C8orf34: variants seen among roughly 807,000 people sequenced by gnomAD.
C8orf34 encodes the protein chromosome 8 open reading frame 34.
In C8orf34, 65 loss-of-function variants were observed where a neutral mutation model predicts 68.3. The observed-to-expected ratio is 0.95, with a 90% CI of 0.78 to 1.17. The LOEUF (loss-of-function observed/expected upper bound fraction) is 1.17, where lower values mean the gene tolerates loss of function less well. Among genes scored for constraint, C8orf34 ranks in the 50% most tolerant of loss-of-function variants. The pLI, the probability that C8orf34 is intolerant of heterozygous loss-of-function variation, is 0.00. For missense variants in C8orf34, 664 were observed against 655.4 expected, an observed-to-expected ratio of 1.01 and a Z score of -0.14; for synonymous variants, 244 against 241.2, an observed-to-expected ratio of 1.01 and a Z score of -0.11.
chr8:68,478,150 G>A (rs1369626337), intron 4 of C8orf34, among the ~76,000 whole-genome samples: 2 of 152,118 alleles, frequency 1.3e-5, no homozygotes, highest in African/African-American at 4.8e-5. Flanking sequence ...CACATAGTCA[G>A]CCTGCAAAAT....
intron 10 of C8orf34, among the ~76,000 whole-genome samples, chr8:68,740,944 C>T (rs1822272129): frequency 6.6e-6 from 1 of 152,114 alleles, no homozygotes; most frequent in South Asian, 2.1e-4. Flanking sequence ...ATGGATGGAG[C>T]TGGAGGCTAT....
chr8:68,745,958 A>G (rs1360970625), intron 10 of C8orf34, among the ~76,000 whole-genome samples: 2 of 152,124 alleles, frequency 1.3e-5, no homozygotes, highest in Non-Finnish European at 2.9e-5. Context: ...CACCACACCT[A>G]TTCCAAAATT....
intron 1 of C8orf34, among the ~76,000 whole-genome samples, chr8:68,425,350 T>C (rs1458950617): frequency 6.6e-6 from 1 of 152,168 alleles, no homozygotes; most frequent in Admixed American, 6.5e-5. Context: ...ACTATTTCTA[T>C]TTGCAAATGA....
intron 1 of C8orf34, among the ~76,000 whole-genome samples, chr8:68,354,565 G>A (rs1418419146): frequency 2.0e-5 from 3 of 152,046 alleles, no homozygotes; most frequent in Non-Finnish European, 4.4e-5. Flanking sequence ...TCAGAGTGAT[G>A]GGGCTGCATC....
In C8orf34 at chr8:68,732,671, A is replaced by G. The variant is rs1369710102; in HGVS notation, c.1404+11234A>G. On this transcript the variant is annotated intron_variant, in intron 10 of 13. Transcript: ENST00000518698. Reference sequence around the variant, plus strand: ...TACAGTTTTTTCTCTCCAATATTAGACAAATATTACCTAAAAGTTCTTCAC... The same window carrying G: ...TACAGTTTTTTCTCTCCAATATTAGGCAAATATTACCTAAAAGTTCTTCAC... 5.3e-5 allele frequency among the ~76,000 whole-genome samples: 8 copies of G among 152,110 alleles called. No individual in the cohort carries two copies. The East Asian group carries it at 1.5e-3, about 29-fold the overall frequency.
intron 1 of C8orf34, among the ~76,000 whole-genome samples, chr8:68,342,815 C>T (rs1480862515): frequency 6.6e-6 from 1 of 152,050 alleles, no homozygotes; most frequent in African/African-American, 2.4e-5. Context: ...CCCCCAAATG[C>T]AAAAGTAGTG....
chr8:68,466,721 A>C (rs1812153175), intron 3 of C8orf34, among the ~76,000 whole-genome samples: 1 of 142,934 alleles, frequency 7.0e-6, no homozygotes, highest in South Asian at 2.2e-4. Flanking sequence ...CTTTCTGTGA[A>C]AATAAACAAC....
At chr8:68,335,197 A>G (rs1805798431) in intron 1 of C8orf34, among the ~76,000 whole-genome samples, 3 of 152,164 alleles carry the variant, frequency 2.0e-5, no homozygotes, top group African/African-American at 4.8e-5. Context: ...GATAAGAAGG[A>G]TACTAGTTAC....
At chr8:68,620,336 G>T (rs1019048899) in intron 7 of C8orf34, among the ~76,000 whole-genome samples, 1 of 152,186 alleles carries the variant, frequency 6.6e-6, no homozygotes. Context: ...CCAGGAAGAG[G>T]TTGGGGTTGG....
intron 10 of C8orf34, among the ~76,000 whole-genome samples, chr8:68,769,017 A>G (rs1291152441): frequency 6.6e-6 from 1 of 152,090 alleles, no homozygotes; most frequent in Admixed American, 6.6e-5. Context: ...CTAGATCCTT[A>G]AAAGACATTT....
At chr8:68,787,381 C>T (rs2129528997) in intron 11 of C8orf34, 62 bp from the exon 12 acceptor site, 1 of 1,079,688 alleles carries the variant, frequency 9.3e-7, no homozygotes, top group Non-Finnish European at 1.4e-6. Flanking sequence ...AAGTGATTAT[C>T]CACATTAATG....
At chr8:68,797,847 G>C (rs1020989904) in intron 12 of C8orf34, among the ~76,000 whole-genome samples, 7 of 152,138 alleles carry the variant, frequency 4.6e-5, no homozygotes, top group Non-Finnish European at 1.0e-4. Context: ...TAGAGATTTG[G>C]GTATACATTT....
chr8:68,744,269 C>A (rs1382943892), intron 10 of C8orf34, among the ~76,000 whole-genome samples: 1 of 151,844 alleles, frequency 6.6e-6, no homozygotes, highest in African/African-American at 2.4e-5. Context: ...GTAGATAAAA[C>A]CACAAAGATG....
intron 2 of C8orf34, among the ~76,000 whole-genome samples, chr8:68,444,407 AAT>A (rs1368757487): frequency 6.6e-6 from 1 of 152,052 alleles, no homozygotes; most frequent in African/African-American, 2.4e-5. Context: ...TTCCATTATA[AAT>A]ATTTTTTAAA....
chr8:68,479,883 G>T (rs763714373), intron 4 of C8orf34, among the ~76,000 whole-genome samples: 1 of 152,146 alleles, frequency 6.6e-6, no homozygotes, highest in Non-Finnish European at 1.5e-5. Context: ...GCAAACTCTC[G>T]CCCATGGGCC....
At chr8:68,531,518 A>G (rs1395641237) in intron 6 of C8orf34, among the ~76,000 whole-genome samples, 2 of 152,146 alleles carry the variant, frequency 1.3e-5, no homozygotes, top group African/African-American at 4.8e-5. Context: ...AAAAAATTCT[A>G]CATAGTTGAT....
At chr8:68,602,733 C>T (rs1265591420) in intron 7 of C8orf34, among the ~76,000 whole-genome samples, 27 of 152,012 alleles carry the variant, frequency 1.8e-4, no homozygotes, top group Admixed American at 1.8e-3. Flanking sequence ...GATGGAGGCT[C>T]AGCTCGTACT....
intron 5 of C8orf34, among the ~76,000 whole-genome samples, chr8:68,488,590 G>A (rs543894495): frequency 1.3e-5 from 2 of 152,200 alleles, no homozygotes; most frequent in East Asian, 3.9e-4. Flanking sequence ...ATTGGATGTG[G>A]GGAATTGCAG....
intron 7 of C8orf34, among the ~76,000 whole-genome samples, chr8:68,539,107 T>A (rs1815602499): frequency 6.6e-6 from 1 of 152,200 alleles, no homozygotes; most frequent in South Asian, 2.1e-4. Context: ...TGGTTTCACA[T>A]TAATTCACTG....
Sources: allele counts gnomAD v4.1 joint callset (sites outside exome capture counted in the v4.1 genomes callset), GRCh38; gene constraint gnomAD v4.1.1; transcripts MANE v1.5; gene names NCBI Gene and HGNC (gene_info 2026-07-23, HGNC 2026-07-21).